The following KIAA1217 variants were observed in gnomAD, a reference collection of about 807,000 sequenced individuals.
KIAA1217 encodes the protein sickle tail protein homolog.
In KIAA1217, 88 loss-of-function variants were observed where a neutral mutation model predicts 163.9. The observed-to-expected ratio is 0.54, with a 90% CI of 0.45 to 0.64. KIAA1217 has a LOEUF of 0.64. Ranked by LOEUF, KIAA1217 falls within the 30% of genes least tolerant of loss-of-function variation. KIAA1217 has a pLI of 0.00. For missense variants in KIAA1217, 2,372 were observed against 2,475.0 expected (o/e 0.96, Z 0.88); for synonymous variants, 903 against 923.1 (o/e 0.98, Z 0.39).
chr10:24,231,298 G>C (rs957327321), intron 2 of KIAA1217, among the ~76,000 whole-genome samples: 1 of 152,042 alleles, frequency 6.6e-6, no homozygotes, highest in Non-Finnish European at 1.5e-5. Flanking sequence ...CCTGGGTAAC[G>C]GAGTGCGACT....
At chr10:23,697,747 T>G (rs986938286) in intron 1 of KIAA1217, among the ~76,000 whole-genome samples, 1 of 151,656 alleles carries the variant, frequency 6.6e-6, no homozygotes, top group Non-Finnish European at 1.5e-5. Flanking sequence ...CATGGTGATG[T>G]GCACCTGTGA....
chr10:24,439,327 T>C (rs1767502712), intron 5 of KIAA1217, among the ~76,000 whole-genome samples: 1 of 152,168 alleles, frequency 6.6e-6, no homozygotes, highest in African/African-American at 2.4e-5. Flanking sequence ...TCATCTTTTC[T>C]ACAGATTAGC....
intron 1 of KIAA1217, among the ~76,000 whole-genome samples, chr10:23,988,182 G>A (rs1846063175): frequency 6.6e-6 from 1 of 152,186 alleles, no homozygotes; most frequent in African/African-American, 2.4e-5. Flanking sequence ...CCTCTGCCAG[G>A]AGGGCTCCAG....
At chr10:24,287,349 C>T (rs543747561) in intron 2 of KIAA1217, among the ~76,000 whole-genome samples, 3 of 152,322 alleles carry the variant, frequency 2.0e-5, no homozygotes, top group East Asian at 3.9e-4. Flanking sequence ...CCGTGCTTGG[C>T]CATCTCACTT....
At chr10:23,872,901 A>T (rs915066492) in intron 1 of KIAA1217, among the ~76,000 whole-genome samples, 2 of 152,042 alleles carry the variant, frequency 1.3e-5, no homozygotes, top group African/African-American at 4.8e-5. Context: ...AGCATGTAAC[A>T]TTGGCAGCTC....
At position 24,373,370 on chromosome 10, in the gene KIAA1217, AG is replaced by A. The variant is rs201058229; in HGVS notation, c.355-7497del. ...GGAACTTCCTCCTTTCCCCTTCTGG[AG>A]GTAAGTCCAGACGTCTTTTCCAGAT... On this transcript the variant is annotated intron_variant, in intron 2 of 20. Coordinates refer to ENST00000376454, the MANE Select transcript of KIAA1217 (RefSeq NM_019590.5). Among the ~76,000 whole-genome samples, 769 of 152,178 alleles carry A rather than the reference AG, an allele frequency of 5.1e-3. 12 individuals carry two copies. Among genetic ancestry groups the A allele is most frequent in the African/African-American group, 0.017 (705 of 41,512 alleles).
At chr10:23,880,508 T>C (rs1297308254) in intron 1 of KIAA1217, among the ~76,000 whole-genome samples, 1 of 151,816 alleles carries the variant, frequency 6.6e-6, no homozygotes, top group Non-Finnish European at 1.5e-5. Flanking sequence ...AAAAAATATT[T>C]AGAAAGAATA....
intron 2 of KIAA1217, among the ~76,000 whole-genome samples, chr10:24,326,779 A>G (rs1213235885): frequency 6.6e-6 from 1 of 152,148 alleles, no homozygotes; most frequent in Non-Finnish European, 1.5e-5. Flanking sequence ...TTTCATAATT[A>G]TATAAATTAA....
chr10:24,495,058 G>A, intron 7 of KIAA1217, 89 bp from the exon 8 acceptor site: 1 of 1,087,224 alleles, frequency 9.2e-7, no homozygotes, highest in Admixed American at 2.2e-5. Context: ...ACTGCCAATT[G>A]CTTCAAATAG....
At chr10:23,721,031 A>T (rs922117171) in intron 1 of KIAA1217, among the ~76,000 whole-genome samples, 1 of 152,162 alleles carries the variant, frequency 6.6e-6, no homozygotes, top group African/African-American at 2.4e-5. Flanking sequence ...GCTTCTACCT[A>T]CCCAATTCTG....
chr10:24,132,068 T>C (rs2063672731), intron 2 of KIAA1217, among the ~76,000 whole-genome samples: 1 of 152,128 alleles, frequency 6.6e-6, no homozygotes, highest in Non-Finnish European at 1.5e-5. Context: ...ACATATGGCT[T>C]TGCTATTTTG....
At chr10:24,371,098 G>A (rs1255335145) in intron 2 of KIAA1217, among the ~76,000 whole-genome samples, 2 of 152,100 alleles carry the variant, frequency 1.3e-5, no homozygotes, top group African/African-American at 4.8e-5. Context: ...TCTCATTCTG[G>A]CTTTGGGGAG....
intron 5 of KIAA1217, among the ~76,000 whole-genome samples, chr10:24,452,858 G>A (rs757698595): frequency 5.9e-5 from 9 of 152,008 alleles, no homozygotes; most frequent in South Asian, 2.1e-4. Flanking sequence ...ACCCTGATGC[G>A]ATTATTACAC....
intron 2 of KIAA1217, among the ~76,000 whole-genome samples, chr10:24,162,967 T>C (rs958131084): frequency 6.6e-6 from 1 of 152,116 alleles, no homozygotes; most frequent in African/African-American, 2.4e-5. Context: ...AAAAGACCAA[T>C]ATGGCAGCCA....
chr10:24,234,129 A>T (rs2071843357), intron 2 of KIAA1217, among the ~76,000 whole-genome samples: 1 of 152,164 alleles, frequency 6.6e-6, no homozygotes, highest in Non-Finnish European at 1.5e-5. Flanking sequence ...TGAAAATCCA[A>T]AATGAAATGT....
chr10:24,131,959 A>T (rs2063667222), intron 2 of KIAA1217, among the ~76,000 whole-genome samples: 1 of 152,234 alleles, frequency 6.6e-6, no homozygotes, highest in Admixed American at 6.5e-5. Flanking sequence ...CTCACTATAA[A>T]AGTGTGGTTA....
intron 1 of KIAA1217, among the ~76,000 whole-genome samples, chr10:23,790,132 TGCATATACACATATAC>T (rs1835700887): frequency 1.2e-5 from 1 of 81,932 alleles, no homozygotes; most frequent in East Asian, 3.3e-4. Context: ...TATACACATA[TGCATATACACATATAC>T]ACATATGCAT....
chr10:23,754,019 T>C (rs12761649), intron 1 of KIAA1217, among the ~76,000 whole-genome samples: 30,359 of 151,968 alleles, frequency 0.2, 3,136 homozygotes, highest in Middle Eastern at 0.26. Flanking sequence ...CTCCCTGTTC[T>C]CACTGGAGTT....
intron 2 of KIAA1217, among the ~76,000 whole-genome samples, chr10:24,034,331 G>A (rs1253077895): frequency 6.6e-6 from 1 of 152,024 alleles, no homozygotes; most frequent in Admixed American, 6.5e-5. Context: ...GCCCAAGGTG[G>A]GGTGGATTGC....
Sources: gnomAD v4.1 joint callset for allele counts (sites outside exome capture counted in the v4.1 genomes callset) on GRCh38, gnomAD v4.1.1 for gene constraint, MANE v1.5 for transcripts, NCBI Gene and HGNC (gene_info 2026-07-23, HGNC 2026-07-21) for gene names.